The following SBF1 variants were observed in gnomAD, a reference collection of about 807,000 sequenced individuals.
SBF1 encodes myotubularin-related protein 5.
In SBF1, 65 loss-of-function variants were observed where a neutral mutation model predicts 215.8. The observed-to-expected ratio is 0.30, with a 90% CI of 0.25 to 0.37. SBF1 has a LOEUF of 0.37. Among genes scored for constraint, SBF1 ranks in the 10% least tolerant of loss-of-function variants. The pLI, the probability that SBF1 is intolerant of heterozygous loss-of-function variation, is 1.00. For synonymous variants in SBF1, 1,410 were observed against 1,122.8 expected, an observed-to-expected ratio of 1.26 and a Z score of -5.11; for missense variants, 2,634 against 2,667.8, an observed-to-expected ratio of 0.99 and a Z score of 0.28.
At chr22:50,459,925 C>G (rs1569511590) in intron 26 of SBF1, 27 bp downstream of exon 26, 3 of 1,611,242 alleles carry the variant, frequency 1.9e-6, no homozygotes, top group Non-Finnish European at 1.7e-6. Flanking sequence ...GTGTCCACCA[C>G]CCGGGCCAGC....
At chr22:50,460,817 AG>A in intron 23 of SBF1, 105 bp from the exon 24 acceptor site, 1 of 1,276,474 alleles carries the variant, frequency 7.8e-7, no homozygotes, top group Admixed American at 2.0e-5. Context: ...TGACAGAGAG[AG>A]AAGCAGGCCC....
Position 50,455,293 on chromosome 22 carries a change from AGCTCCACGGTGG to A in SBF1, c.4473_4484del (p.Arg1493_His1496del), listed in dbSNP as rs2148570582. 1 of 1,613,476 alleles carries A rather than the reference AGCTCCACGGTGG, an allele frequency of 6.2e-7. No individual in the cohort carries two copies. Among genetic ancestry groups the A allele is most frequent in the East Asian group, 2.2e-5 (1 of 44,878 alleles). ...CGCTGCTCTGCCCGGCCAGGGTGTG[AGCTCCACGGTGG>A]CTGAAGCGATGGCCGAAGGACAGCC... On this transcript the variant is annotated inframe_deletion, in exon 33 of 41. Transcript: ENST00000380817.
At chr22:50,472,069 C>T (rs989480025) in intron 1 of SBF1, among the ~76,000 whole-genome samples, 3 of 152,214 alleles carry the variant, frequency 2.0e-5, no homozygotes, top group Non-Finnish European at 4.4e-5. Flanking sequence ...AAGAGCCGGG[C>T]AGAGGCAGTC....
chr22:50,452,102 T>C lies in SBF1; in HGVS notation c.5043+2410A>G, dbSNP rs1290549563. 2.2e-5 allele frequency among the ~76,000 whole-genome samples: 3 copies of C among 137,550 alleles called. No homozygotes were observed. In the Admixed American group the frequency reaches 2.3e-4, roughly 11 times the overall value. The allele number at this position is 137,550 out of a possible 152,430, so 90.2% of individuals were successfully genotyped here. ...TGAGCCGCTGCGCCCAGCCTAGTAATGAGATCTTTTAAAGTGACATCAGTT... is the reference window on the plus strand; with the variant it reads ...TGAGCCGCTGCGCCCAGCCTAGTAACGAGATCTTTTAAAGTGACATCAGTT... On this transcript the variant is annotated intron_variant, in intron 36 of 40. Coordinates refer to ENST00000380817, the MANE Select transcript of SBF1 (RefSeq NM_002972.4).
Position 50,446,197 on chromosome 22 carries a change from G to A in SBF1, c.*945C>T, listed in dbSNP as rs1318402839. 1.3e-5 allele frequency: 2 copies of A among 152,492 alleles called. No homozygotes were observed. Among genetic ancestry groups the A allele is most frequent in the African/African-American group, 2.4e-5 (1 of 41,420 alleles). The allele number at this position is 152,492 out of a possible 1,614,324, so 9.4% of individuals were successfully genotyped here. On this transcript the variant is annotated 3_prime_UTR_variant, in exon 41 of 41. Transcript: ENST00000380817. ...GTGACACCAAGAAGGGAAGGACGGG[G>A]GCCCTCTGAGACCCCAGGGAAAGGA...
Position 50,458,700 on chromosome 22 carries a change from G to A in SBF1, c.3826+555C>T, listed in dbSNP as rs936268682. Reference sequence around the variant, plus strand: ...CAGTCTAGCTCAGTGTGTGCAGGGCGCCTGTGAAGTGTGCGTGGCGGTGGG... The same window carrying A: ...CAGTCTAGCTCAGTGTGTGCAGGGCACCTGTGAAGTGTGCGTGGCGGTGGG... On this transcript the variant is annotated intron_variant, in intron 28 of 40. Transcript: ENST00000380817. 7.2e-5 allele frequency among the ~76,000 whole-genome samples: 11 copies of A among 152,206 alleles called. No homozygotes were observed. In the South Asian group the frequency reaches 1.4e-3, roughly 20 times the overall value.
In SBF1 at chr22:50,454,829, C is replaced by T. The variant is rs771134293; in HGVS notation, c.4797G>A (p.Ala1599=). 1.9e-6 allele frequency: 3 copies of T among 1,613,848 alleles called. No individual in the cohort carries two copies. The highest frequency in any genetic ancestry group is 1.7e-5 in the Admixed American group (1 of 60,006). ...RTPVFHNYMY[A]PEDAEVLRPY... ...CCCAGCTTACCTCTGCGTCCTCGGG[C>T]GCATACATGTAATTGTGGAACACAG... The change falls in exon 35 of 41, where the codon GCG becomes GCA. Residue 1599 remains alanine, a synonymous_variant. Coordinates refer to ENST00000380817, the MANE Select transcript of SBF1 (RefSeq NM_002972.4).
At position 50,452,685 on chromosome 22, in the gene SBF1, G is replaced by A. The variant is rs941467168; in HGVS notation, c.5043+1827C>T. Among the ~76,000 whole-genome samples, 13 of 118,508 alleles carry A rather than the reference G, an allele frequency of 1.1e-4. No homozygotes were observed. In the East Asian group the frequency reaches 1.7e-3, roughly 15 times the overall value. The allele number at this position is 118,508 out of a possible 152,430, so 77.7% of individuals were successfully genotyped here. A position where few individuals can be genotyped will look rare whatever the true frequency, so the allele number is the denominator to read the frequency against. On this transcript the variant is annotated intron_variant, in intron 36 of 40. Coordinates refer to ENST00000380817, the MANE Select transcript of SBF1 (RefSeq NM_002972.4). ...TGCAGTGAACCGAGATCGCACCACC[G>A]CTCTCCAGCCTGGGTGACTGAGGGA...
At chr22:50,461,028 C>A in intron 23 of SBF1, 131 bp downstream of exon 23, 2 of 1,242,258 alleles carry the variant, frequency 1.6e-6, no homozygotes, top group East Asian at 2.5e-5. Context: ...AGTGAGGGCC[C>A]CAGACATGCA....
intron 16 of SBF1, 127 bp downstream of exon 16, chr22:50,463,156 G>T: frequency 7.6e-7 from 1 of 1,315,616 alleles, no homozygotes; most frequent in South Asian, 1.3e-5. Flanking sequence ...GCAGACCGAG[G>T]ACCCCTGCCC....
intron 36 of SBF1, among the ~76,000 whole-genome samples, chr22:50,449,510 G>A (rs959007899): frequency 3.3e-5 from 5 of 151,956 alleles, no homozygotes; most frequent in Middle Eastern, 3.4e-3. Flanking sequence ...AACTACTCAG[G>A]AAGCTGAGGC....
At chr22:50,448,774 C>T (rs2066933358) in intron 36 of SBF1, 124 bp from the exon 37 acceptor site, 1 of 692,344 alleles carries the variant, frequency 1.4e-6, no homozygotes. Flanking sequence ...TGACTGGCCA[C>T]AGGGGGAGGT....
intron 31 of SBF1, 136 bp from the exon 32 acceptor site, chr22:50,455,718 G>C: frequency 2.8e-6 from 2 of 715,000 alleles, no homozygotes; most frequent in Non-Finnish European, 4.8e-6. Context: ...CCTGTATGCG[G>C]GCAGAGCACT....
chr22:50,462,553 G>A lies in SBF1; in HGVS notation c.2127+6C>T, dbSNP rs954777193. 6.2e-6 allele frequency: 10 copies of A among 1,609,664 alleles called. No homozygotes were observed. The highest frequency in any genetic ancestry group is 8.5e-6 in the Non-Finnish European group (10 of 1,178,638). ...CCAGCCCCCAGCCCAGGGAGTCCCTGCGCACCTGGGCGGGGGCCAGGTCCT... is the reference window on the plus strand; with the variant it reads ...CCAGCCCCCAGCCCAGGGAGTCCCTACGCACCTGGGCGGGGGCCAGGTCCT... On this transcript the variant is annotated splice_donor_region_variant and intron_variant, in intron 18 of 40. Transcript: ENST00000380817.
In SBF1 at chr22:50,467,852, G is replaced by A. The variant is rs754377034; in HGVS notation, c.213C>T (p.Thr71=). 2.2e-5 allele frequency: 36 copies of A among 1,613,842 alleles called. No individual in the cohort carries two copies. The highest frequency in any genetic ancestry group is 2.8e-5 in the Non-Finnish European group (33 of 1,179,974). ...AGTAGTGGCGCTCGGAGTTGATGTC[G>A]GTGAGGACAGCAACAAAGAAGGTCG... ...NPPTFFVAVL[T]DINSERHYCA... is the part of the protein sequence containing the mutation. Residue 71 remains threonine, a synonymous_variant, in exon 3 of 41, where the codon ACC becomes ACT. Coordinates refer to ENST00000380817, the MANE Select transcript of SBF1 (RefSeq NM_002972.4).
intron 1 of SBF1, 53 bp downstream of exon 1, chr22:50,474,733 C>G (rs2148622254): frequency 7.0e-7 from 1 of 1,424,780 alleles, no homozygotes; most frequent in East Asian, 3.2e-5. Context: ...GCCCCTGGCC[C>G]TCAGCACTCG....
At position 50,455,561 on chromosome 22, in the gene SBF1, A is replaced by T; in HGVS notation, c.4288T>A (p.Ser1430Thr). The T allele has an allele frequency of 6.3e-7, 1 of 1,587,714 alleles. No individual in the cohort carries two copies. Among genetic ancestry groups the T allele is most frequent in the Non-Finnish European group, 8.6e-7 (1 of 1,167,138 alleles). The stretch of plus-strand genomic sequence containing the variant: ...TCCAGGAGCTCCACCACCAGCACAG[A>T]CACCTGCAGCAGCTTGTGGATCTGC... ...LIQIHKLLQV[S>T]VLVVELLDSG... The change falls in exon 32 of 41, where the codon TCT (serine) becomes ACT (threonine). Residue 1430 changes from serine to threonine, a missense_variant. Ser to Thr is a moderately conservative substitution (Grantham distance 58). Transcript: ENST00000380817.
Position 50,461,229 on chromosome 22 carries a change from C to T in SBF1, c.2897G>A (p.Arg966His), listed in dbSNP as rs1218607139. ...FPVAALTKEK[R>H]ISVQTPVDQL... ...GTCCACAGGGGTCTGGACGCTGATG[C>T]GCTTCTCCTTGGTCAGCGCAGCCAC... The change falls in exon 23 of 41, where the codon CGC becomes CAC. Residue 966 changes from arginine to histidine, a missense_variant. Transcript: ENST00000380817. The T allele has an allele frequency of 6.2e-7, 1 of 1,613,072 alleles. No homozygotes were observed. The highest frequency in any genetic ancestry group is 8.5e-7 in the Non-Finnish European group (1 of 1,179,622).
Position 50,461,142 on chromosome 22 carries a change from C to A in SBF1, c.2967+17G>T, listed in dbSNP as rs376483485. ...CAGGGCGGGGGATGAGAGCCCCACC[C>A]GCGCACCGCGCCCCACCTGGAATGT... On this transcript the variant is annotated intron_variant, in intron 23 of 40. Coordinates refer to ENST00000380817, the MANE Select transcript of SBF1 (RefSeq NM_002972.4). The A allele has an allele frequency of 6.3e-7, 1 of 1,581,804 alleles. No individual in the cohort carries two copies. The highest frequency in any genetic ancestry group is 8.6e-7 in the Non-Finnish European group (1 of 1,161,556).
Sources: gnomAD v4.1 joint callset for allele counts (sites outside exome capture counted in the v4.1 genomes callset) on GRCh38, gnomAD v4.1.1 for gene constraint, MANE v1.5 for transcripts, NCBI Gene and HGNC (gene_info 2026-07-23, HGNC 2026-07-21) for gene names.